The following ANK2 variants were observed in gnomAD, a reference collection of about 807,000 sequenced individuals.
The protein encoded by ANK2 is ankyrin 2, also known as ankyrin-2.
In ANK2, 83 loss-of-function variants were observed where a neutral mutation model predicts 360.5. That is an observed-to-expected ratio of 0.23 (90% CI 0.19 to 0.28). ANK2 has a LOEUF of 0.28. Ranked by LOEUF, ANK2 falls within the 10% of genes least tolerant of loss-of-function variation. ANK2 has a pLI of 1.00. For missense variants in ANK2, 4,201 were observed against 4,795.7 expected (o/e 0.88, Z 3.66); for synonymous variants, 1,740 against 1,759.5 (o/e 0.99, Z 0.28).
the ANK2 span, among the ~76,000 whole-genome samples, chr4:112,809,822 G>C: frequency 6.7e-6 from 1 of 148,580 alleles, no homozygotes; most frequent in Admixed American, 6.8e-5. Flanking sequence ...GTGAGAGTGA[G>C]AGCCCATTTC....
intron 1 of ANK2, among the ~76,000 whole-genome samples, chr4:113,091,195 C>T (rs1213823887): frequency 6.6e-6 from 1 of 152,192 alleles, no homozygotes; most frequent in Non-Finnish European, 1.5e-5. Flanking sequence ...TTTTAAAATA[C>T]TGCTTATCAG....
chr4:113,085,089 A>T (rs62314903), intron 1 of ANK2, among the ~76,000 whole-genome samples: 24,700 of 152,174 alleles, frequency 0.16, 2,234 homozygotes, highest in South Asian at 0.23. Context: ...ATCTATCTGG[A>T]CACTAGAAAC....
chr4:112,719,131 A>C, the ANK2 span, among the ~76,000 whole-genome samples: 6 of 152,160 alleles, frequency 3.9e-5, no homozygotes, highest in Admixed American at 3.3e-4. Flanking sequence ...CCTCCCATCC[A>C]TTTGATGAGA....
Position 113,381,931 on chromosome 4 carries a change from A to G in ANK2, c.*460A>G, listed in dbSNP as rs988913373. On this transcript the variant is annotated 3_prime_UTR_variant, in exon 46 of 46. Coordinates refer to ENST00000357077, the MANE Select transcript of ANK2 (RefSeq NM_001148.6). Reference sequence around the variant, plus strand: ...TGTTCTTTGCTTCTGCACAAGATCCATGAAAATCCATTGATCAGAAGAACT... The same window carrying G: ...TGTTCTTTGCTTCTGCACAAGATCCGTGAAAATCCATTGATCAGAAGAACT... The G allele has an allele frequency of 3.0e-6, 1 of 338,740 alleles. No homozygotes were observed. The highest frequency in any genetic ancestry group is 2.1e-5 in the African/African-American group (1 of 46,934). The allele number at this position is 338,740 out of a possible 1,614,324, so 21.0% of individuals were successfully genotyped here.
At chr4:112,853,142 C>T (rs1239681097) in intron 1 of ANK2, among the ~76,000 whole-genome samples, 3 of 152,074 alleles carry the variant, frequency 2.0e-5, no homozygotes, top group African/African-American at 7.2e-5. Context: ...GATCTCGGCT[C>T]ACTGCAACCT....
At chr4:112,822,013 C>T (rs947666919) in intron 1 of ANK2, among the ~76,000 whole-genome samples, 4 of 152,030 alleles carry the variant, frequency 2.6e-5, no homozygotes, top group Non-Finnish European at 5.9e-5. Flanking sequence ...AGCGATCCAC[C>T]CGCCTCAGCC....
chr4:113,306,370 C>T (rs1384443683), intron 23 of ANK2, among the ~76,000 whole-genome samples: 1 of 152,124 alleles, frequency 6.6e-6, no homozygotes, highest in African/African-American at 2.4e-5. Flanking sequence ...GAGAGAGACA[C>T]AGAGTGGCAG....
intron 1 of ANK2, among the ~76,000 whole-genome samples, chr4:113,131,858 A>T (rs1412960331): frequency 6.6e-6 from 1 of 152,224 alleles, no homozygotes; most frequent in African/African-American, 2.4e-5. Context: ...ATGCATTTTC[A>T]TAGAAGATTC....
At chr4:112,850,248 TC>T (rs1427302386) in intron 1 of ANK2, among the ~76,000 whole-genome samples, 141 of 137,768 alleles carry the variant, frequency 1.0e-3, no homozygotes, top group Admixed American at 2.3e-3. Flanking sequence ...ATAAGAAATT[TC>T]ATCTATCTAT....
At chr4:113,250,836 A>G (rs916224588) in intron 10 of ANK2, among the ~76,000 whole-genome samples, 1 of 148,886 alleles carries the variant, frequency 6.7e-6, no homozygotes, top group Non-Finnish European at 1.5e-5. Context: ...GACACAAACA[A>G]ATATTTTTCA....
chr4:113,104,258 C>T (rs1370473389), intron 1 of ANK2, among the ~76,000 whole-genome samples: 6 of 151,606 alleles, frequency 4.0e-5, no homozygotes, highest in Non-Finnish European at 8.8e-5. Flanking sequence ...TTGATGGAGA[C>T]GTGGTAGGAA....
intron 13 of ANK2, among the ~76,000 whole-genome samples, chr4:113,263,060 C>T (rs2053891243): frequency 6.6e-6 from 1 of 151,196 alleles, no homozygotes. Flanking sequence ...TGGTGGCGGG[C>T]ACCTATAATC....
intron 4 of ANK2, among the ~76,000 whole-genome samples, chr4:113,201,260 T>G (rs753942193): frequency 6.6e-6 from 1 of 152,152 alleles, no homozygotes; most frequent in Non-Finnish European, 1.5e-5. Context: ...TTTTCAAACT[T>G]TAGTCTGCAT....
At chr4:112,708,760 T>C in the ANK2 span, among the ~76,000 whole-genome samples, 1 of 152,206 alleles carries the variant, frequency 6.6e-6, no homozygotes, top group Non-Finnish European at 1.5e-5. Context: ...ATCACTCCTC[T>C]AATAATGAGC....
intron 2 of ANK2, among the ~76,000 whole-genome samples, chr4:113,005,407 A>G (rs2052468650): frequency 2.6e-5 from 4 of 152,226 alleles, no homozygotes; most frequent in South Asian, 2.1e-4. Flanking sequence ...CTACTCAGCC[A>G]TAAAAAGAGG....
At chr4:113,054,525 G>T (rs2068642858) in intron 1 of ANK2, among the ~76,000 whole-genome samples, 1 of 152,258 alleles carries the variant, frequency 6.6e-6, no homozygotes, top group East Asian at 1.9e-4. Flanking sequence ...TCCAACATTT[G>T]GGTGTCCAAA....
At chr4:113,145,208 G>A (rs1368304553) in intron 1 of ANK2, among the ~76,000 whole-genome samples, 1 of 152,146 alleles carries the variant, frequency 6.6e-6, no homozygotes, top group African/African-American at 2.4e-5. Flanking sequence ...TTTGATGGAT[G>A]TGTTTCCATT....
At chr4:112,712,620 G>A in the ANK2 span, among the ~76,000 whole-genome samples, 1 of 149,244 alleles carries the variant, frequency 6.7e-6, no homozygotes, top group African/African-American at 2.5e-5. Context: ...TGTTAGCCAG[G>A]ATGGTCTCGA....
At chr4:112,848,760 A>G (rs1173822125) in intron 1 of ANK2, among the ~76,000 whole-genome samples, 1 of 152,204 alleles carries the variant, frequency 6.6e-6, no homozygotes, top group Non-Finnish European at 1.5e-5. Flanking sequence ...GCCTAGCAAA[A>G]ATAGACATGG....
Sources: allele counts gnomAD v4.1 joint callset (sites outside exome capture counted in the v4.1 genomes callset), GRCh38; gene constraint gnomAD v4.1.1; transcripts MANE v1.5; gene names NCBI Gene and HGNC (gene_info 2026-07-23, HGNC 2026-07-21).